FTO: variants seen among roughly 807,000 people sequenced by gnomAD.
The protein encoded by FTO is alpha-ketoglutarate-dependent dioxygenase FTO.
FTO carries 47 observed loss-of-function variants against 63.9 expected under a neutral mutation model. That is an observed-to-expected ratio of 0.74 (90% CI 0.58 to 0.94). FTO has a LOEUF of 0.94. Ranked by LOEUF, FTO falls within the 40% of genes least tolerant of loss-of-function variation. The pLI, the probability that FTO is intolerant of heterozygous loss-of-function variation, is 0.00. For missense variants in FTO, 562 were observed against 618.1 expected, an observed-to-expected ratio of 0.91 and a Z score of 0.96; for synonymous variants, 207 against 224.4, an observed-to-expected ratio of 0.92 and a Z score of 0.69.
chr16:53,945,878 A>G (rs1482105691), intron 8 of FTO, among the ~76,000 whole-genome samples: 1 of 152,226 alleles, frequency 6.6e-6, no homozygotes, highest in Admixed American at 6.5e-5. Context: ...GTGAAAGGGT[A>G]GCAATTTATC....
chr16:53,740,464 C>G (rs2076506537), intron 1 of FTO, among the ~76,000 whole-genome samples: 1 of 152,170 alleles, frequency 6.6e-6, no homozygotes, highest in African/African-American at 2.4e-5. Context: ...TTGTAATGTG[C>G]ATACAGGATT....
chr16:53,747,605 A>C (rs1013358605), intron 1 of FTO, among the ~76,000 whole-genome samples: 7 of 152,058 alleles, frequency 4.6e-5, no homozygotes, highest in Non-Finnish European at 1.0e-4. Context: ...GTTTTCTCCC[A>C]ATCTGTAGGT....
intron 3 of FTO, among the ~76,000 whole-genome samples, chr16:53,830,049 T>G (rs1017105448): frequency 3.3e-5 from 5 of 152,248 alleles, no homozygotes; most frequent in African/African-American, 1.2e-4. Flanking sequence ...TTCAAGACTC[T>G]GCTCTCAATA....
chr16:54,121,593 T>C lies in FTO; in HGVS notation c.*9678T>C, dbSNP rs931259924. On this transcript the variant is annotated 3_prime_UTR_variant, in exon 9 of 9. Transcript: ENST00000471389. ...AGGGAAGCAGGCCGAGCCTGATCTT[T>C]TCTCCGCTAGAACTGCTCAACAGGT... 2 of 152,214 alleles carry C rather than the reference T, an allele frequency of 1.3e-5. No homozygotes were observed. Among genetic ancestry groups the C allele is most frequent in the Admixed American group, 1.3e-4 (2 of 15,284 alleles). 9.4% of individuals were successfully genotyped at this position (152,214 alleles called of 1,614,324 possible).
chr16:54,051,155 G>A (rs760762181), intron 8 of FTO, among the ~76,000 whole-genome samples: 1 of 152,148 alleles, frequency 6.6e-6, no homozygotes, highest in South Asian at 2.1e-4. Context: ...AACTGCTAAC[G>A]GTTACTGCCA....
intron 8 of FTO, among the ~76,000 whole-genome samples, chr16:53,997,383 G>A (rs2083962287): frequency 6.6e-6 from 1 of 152,076 alleles, no homozygotes; most frequent in Non-Finnish European, 1.5e-5. Flanking sequence ...GATTTGGGTG[G>A]GGACACAGCC....
chr16:53,827,863 C>T (rs949549662), intron 3 of FTO, among the ~76,000 whole-genome samples: 7 of 152,178 alleles, frequency 4.6e-5, no homozygotes, highest in East Asian at 1.9e-4. Flanking sequence ...CTGATGTGAA[C>T]GAACAATGGA....
chr16:53,931,813 A>T (rs1456216713), intron 7 of FTO, among the ~76,000 whole-genome samples: 1 of 151,578 alleles, frequency 6.6e-6, no homozygotes, highest in Non-Finnish European at 1.5e-5. Flanking sequence ...CCCACATGGT[A>T]TTTTTTTAAA....
At chr16:53,923,265 C>T (rs2082051860) in intron 7 of FTO, 1 of 152,230 alleles carries the variant, frequency 6.6e-6, no homozygotes, top group Non-Finnish European at 1.5e-5. Flanking sequence ...AGCTCTGCTT[C>T]TGTTTTATTA....
intron 8 of FTO, among the ~76,000 whole-genome samples, chr16:54,101,448 C>T (rs189867212): frequency 3.6e-4 from 55 of 152,220 alleles, no homozygotes; most frequent in Middle Eastern, 3.4e-3. Flanking sequence ...ATAGAAGATA[C>T]GATCTTGTTT....
At chr16:54,101,592 C>T (rs1174865730) in intron 8 of FTO, among the ~76,000 whole-genome samples, 1 of 152,044 alleles carries the variant, frequency 6.6e-6, no homozygotes, top group Non-Finnish European at 1.5e-5. Context: ...GATTCCATGT[C>T]TTTGCTATTG....
intron 7 of FTO, chr16:53,911,176 G>A: frequency 1.8e-6 from 1 of 557,262 alleles, no homozygotes; most frequent in Non-Finnish European, 3.2e-6. Context: ...TGTTAACTCA[G>A]GCTTGAAAGC....
At chr16:53,969,328 C>T (rs765397200) in intron 8 of FTO, among the ~76,000 whole-genome samples, 8 of 152,102 alleles carry the variant, frequency 5.3e-5, no homozygotes, top group Non-Finnish European at 1.0e-4. Context: ...GTTTCCCAAG[C>T]CTTAGGAAAC....
chr16:54,064,510 C>A (rs1179348859), intron 8 of FTO, among the ~76,000 whole-genome samples: 1 of 152,112 alleles, frequency 6.6e-6, no homozygotes, highest in African/African-American at 2.4e-5. Context: ...GGTAAATGTT[C>A]CTGTGAACTT....
At chr16:53,729,697 C>T (rs7200857) in intron 1 of FTO, among the ~76,000 whole-genome samples, 1 of 151,474 alleles carries the variant, frequency 6.6e-6, no homozygotes, top group African/African-American at 2.4e-5. Flanking sequence ...ATACCTTATA[C>T]TCCTACTGTT....
chr16:53,856,100 T>G (rs1017091069), intron 4 of FTO, among the ~76,000 whole-genome samples: 21 of 152,126 alleles, frequency 1.4e-4, no homozygotes, highest in Non-Finnish European at 2.9e-4. Context: ...GAAAATTTTT[T>G]TTTTTAGGCC....
chr16:53,861,969 A>C (rs2080186402), intron 4 of FTO, among the ~76,000 whole-genome samples: 1 of 152,102 alleles, frequency 6.6e-6, no homozygotes, highest in Non-Finnish European at 1.5e-5. Flanking sequence ...AACTCTGTAG[A>C]GGCTGGGTGC....
intron 1 of FTO, among the ~76,000 whole-genome samples, chr16:53,720,602 A>T (rs2151487131): frequency 6.8e-6 from 1 of 146,440 alleles, no homozygotes; most frequent in South Asian, 2.1e-4. Context: ...TTAGGAACAC[A>T]GAAACTTAAA....
intron 1 of FTO, among the ~76,000 whole-genome samples, chr16:53,754,988 C>T (rs1251275864): frequency 6.6e-6 from 1 of 152,166 alleles, no homozygotes; most frequent in East Asian, 1.9e-4. Flanking sequence ...CATTTCTCAT[C>T]GCTATAGGCA....
Sources: allele counts gnomAD v4.1 joint callset (sites outside exome capture counted in the v4.1 genomes callset), GRCh38; gene constraint gnomAD v4.1.1; transcripts MANE v1.5; gene names NCBI Gene and HGNC (gene_info 2026-07-23, HGNC 2026-07-21).